Variants in HYAL4 observed in about 807,000 individuals in gnomAD.
The protein encoded by HYAL4 is hyaluronidase 4.
In HYAL4, 37 loss-of-function variants were observed where a neutral mutation model predicts 35.2. The observed-to-expected ratio is 1.05, with a 90% CI of 0.81 to 1.38. The LOEUF (loss-of-function observed/expected upper bound fraction) is 1.38. Among genes scored for constraint, HYAL4 ranks in the 40% most tolerant of loss-of-function variants. The pLI is 0.00. For synonymous variants in HYAL4, 198 were observed against 203.2 expected, an observed-to-expected ratio of 0.97 and a Z score of 0.22; for missense variants, 572 against 572.4, an observed-to-expected ratio of 1.00 and a Z score of 0.01.
chr7:123,813,385 G>A, the HYAL4 span, among the ~76,000 whole-genome samples: 1 of 152,092 alleles, frequency 6.6e-6, no homozygotes, highest in Non-Finnish European at 1.5e-5. Context: ...AGTTAAAGGG[G>A]CCTAAAGAGA....
upstream of HYAL4, among the ~76,000 whole-genome samples, chr7:123,826,516 T>C (rs976728859): frequency 6.6e-6 from 1 of 152,156 alleles, no homozygotes; most frequent in Non-Finnish European, 1.5e-5. Context: ...CATTGAAAAT[T>C]ACTTTGGATG....
the HYAL4 span, among the ~76,000 whole-genome samples, chr7:123,815,587 T>C: frequency 6.6e-6 from 1 of 152,198 alleles, no homozygotes; most frequent in East Asian, 1.9e-4. Flanking sequence ...AGGAGACAGA[T>C]ATTGTCTTTA....
the HYAL4 span, among the ~76,000 whole-genome samples, chr7:123,775,941 C>T: frequency 6.6e-6 from 1 of 152,184 alleles, no homozygotes; most frequent in African/African-American, 2.4e-5. Context: ...TCAAACTGGC[C>T]TGGCCACTTT....
At chr7:123,846,397 T>C (rs1806174719) in intron 1 of HYAL4, among the ~76,000 whole-genome samples, 1 of 151,988 alleles carries the variant, frequency 6.6e-6, no homozygotes, top group Non-Finnish European at 1.5e-5. Flanking sequence ...TTGCCTCTGC[T>C]GTGTCATGCA....
chr7:123,824,821 T>G (rs899451660), upstream of HYAL4, among the ~76,000 whole-genome samples: 1 of 152,126 alleles, frequency 6.6e-6, no homozygotes, highest in Non-Finnish European at 1.5e-5. Context: ...ACTGCTGTCA[T>G]CTCTCCTCAG....
At chr7:123,837,050 A>G (rs1304304312) in intron 1 of HYAL4, among the ~76,000 whole-genome samples, 1 of 152,076 alleles carries the variant, frequency 6.6e-6, no homozygotes, top group East Asian at 1.9e-4. Flanking sequence ...AAAAAAAAGA[A>G]AGAAAAAAAA....
chr7:123,771,762 G>A, the HYAL4 span, among the ~76,000 whole-genome samples: 2 of 151,040 alleles, frequency 1.3e-5, no homozygotes, highest in Non-Finnish European at 1.5e-5. Flanking sequence ...GATGAGATTA[G>A]CGTTTGTTTT....
the HYAL4 span, among the ~76,000 whole-genome samples, chr7:123,790,289 A>C: frequency 1.3e-5 from 2 of 152,208 alleles, no homozygotes; most frequent in Non-Finnish European, 2.9e-5. Flanking sequence ...TATAATCATT[A>C]AAAATCCTGT....
chr7:123,773,648 C>T, the HYAL4 span, among the ~76,000 whole-genome samples: 2 of 152,150 alleles, frequency 1.3e-5, no homozygotes, highest in East Asian at 1.9e-4. Context: ...TGTGTGCATG[C>T]GCATATACGT....
At chr7:123,795,376 A>T in the HYAL4 span, among the ~76,000 whole-genome samples, 1 of 152,168 alleles carries the variant, frequency 6.6e-6, no homozygotes, top group Admixed American at 6.5e-5. Flanking sequence ...ATGCAAAGAC[A>T]TGAGATTTGG....
chr7:123,799,526 T>C, the HYAL4 span, among the ~76,000 whole-genome samples: 1 of 151,622 alleles, frequency 6.6e-6, no homozygotes, highest in East Asian at 1.9e-4. Flanking sequence ...CAGTGGCACA[T>C]GCCTGTAATC....
At chr7:123,831,137 ATTG>A (rs1253082874) in intron 1 of HYAL4, among the ~76,000 whole-genome samples, 1 of 152,162 alleles carries the variant, frequency 6.6e-6, no homozygotes, top group African/African-American at 2.4e-5. Context: ...GCTTAGTGGC[ATTG>A]TTGTGGTACT....
chr7:123,872,304 G>C lies in HYAL4; in HGVS notation c.955-2457G>C, dbSNP rs1259453095. Among the ~76,000 whole-genome samples the C allele has an allele frequency of 2.6e-5, 4 of 152,186 alleles. No homozygotes were observed. The South Asian group carries it at 6.2e-4, about 24-fold the overall frequency. On this transcript the variant is annotated intron_variant, in intron 3 of 4. Transcript: ENST00000223026. ...ATTTCACTTAAGGTAATGGCCTCCT[G>C]TTCCATCTGTGAGATGTGCTTTTAA...
rs1442791714 is a variant in HYAL4, at chr7:123,868,930, A to G, written c.657A>G (p.Leu219=). The G allele has an allele frequency of 1.2e-6, 2 of 1,614,016 alleles. No homozygotes were observed. Among genetic ancestry groups the G allele is most frequent in the South Asian group, 1.1e-5 (1 of 91,072 alleles). The change falls in exon 3 of 5, where the codon TTA becomes TTG. Residue 219 remains leucine (L), a synonymous_variant. Coordinates refer to ENST00000223026, the MANE Select transcript of HYAL4 (RefSeq NM_012269.3). ...SRPKGLWGYY[L]YPDCHNYNVY... is the part of the protein sequence containing the mutation. The stretch of plus-strand genomic sequence containing the variant: ...CCAAAGGCCTTTGGGGTTATTATTT[A>G]TATCCTGATTGCCACAATTATAACG...
chr7:123,842,976 T>C (rs1584912231), upstream of HYAL4, among the ~76,000 whole-genome samples: 1 of 152,152 alleles, frequency 6.6e-6, no homozygotes, highest in African/African-American at 2.4e-5. Flanking sequence ...TGTCTTTTAA[T>C]TGGGGCATTT....
chr7:123,790,786 A>G, the HYAL4 span: 1,506 of 151,060 alleles, frequency 1.0e-2, 12 homozygotes, highest in South Asian at 0.017. Flanking sequence ...TTTTTTTAAG[A>G]TGGAGTTTTG....
chr7:123,877,225 AT>A lies in HYAL4; in HGVS notation c.*78del, dbSNP rs549448949. ...TTTAAAGAAGGATGTAACTTATAAC[AT>A]TTTTTTTCTCTTATGAATTCTATTG... On this transcript the variant is annotated 3_prime_UTR_variant, in exon 5 of 5. Transcript: ENST00000223026. 9,911 of 1,431,266 alleles carry A rather than the reference AT, an allele frequency of 6.9e-3. 52 individuals are homozygous for A. Among genetic ancestry groups the A allele is most frequent in the Middle Eastern group, 0.01 (56 of 5,400 alleles). The allele number at this position is 1,431,266 out of a possible 1,614,324, so 88.7% of individuals were successfully genotyped here.
the HYAL4 span, among the ~76,000 whole-genome samples, chr7:123,770,359 G>A: frequency 1.3e-5 from 2 of 151,470 alleles, no homozygotes; most frequent in East Asian, 1.9e-4. Flanking sequence ...GGAGAATGGC[G>A]TGAACCCGGG....
the HYAL4 span, among the ~76,000 whole-genome samples, chr7:123,800,814 G>A: frequency 2.7e-5 from 4 of 149,034 alleles, no homozygotes; most frequent in Admixed American, 6.8e-5. Flanking sequence ...GCGTCACCAC[G>A]CTGGCTAATT....
Sources: gnomAD v4.1 joint callset for allele counts (sites outside exome capture counted in the v4.1 genomes callset) on GRCh38, gnomAD v4.1.1 for gene constraint, MANE v1.5 for transcripts, NCBI Gene and HGNC (gene_info 2026-07-23, HGNC 2026-07-21) for gene names.